The following ADGRV1 variants were observed in gnomAD, a reference collection of about 807,000 sequenced individuals.
ADGRV1 encodes the protein G-protein coupled receptor 98.
A neutral mutation model predicts 596.2 loss-of-function variants in ADGRV1; 359 were observed. That is an observed-to-expected ratio of 0.60 (90% CI 0.55 to 0.66). ADGRV1 has a LOEUF of 0.66. Ranked by LOEUF, ADGRV1 falls within the 30% of genes least tolerant of loss-of-function variation. The probability of loss-of-function intolerance (pLI) is 0.00; values close to 1 mark genes in which losing one functional copy is unlikely to be tolerated. For missense variants in ADGRV1, 7,274 were observed against 7,575.6 expected (o/e 0.96, Z 1.48); for synonymous variants, 2,681 against 2,679.2 (o/e 1.00, Z -0.02).
At chr5:91,080,147 G>A (rs1005666817) in intron 86 of ADGRV1, among the ~76,000 whole-genome samples, 10 of 152,008 alleles carry the variant, frequency 6.6e-5, no homozygotes, top group Non-Finnish European at 1.5e-4. Flanking sequence ...AGGGTATTTG[G>A]GATGTCCATC....
At chr5:90,931,725 T>A (rs1581557462) in intron 83 of ADGRV1, among the ~76,000 whole-genome samples, 2 of 152,334 alleles carry the variant, frequency 1.3e-5, no homozygotes, top group East Asian at 3.9e-4. Flanking sequence ...TAATGGTTAA[T>A]TCCTACTTGT....
chr5:90,699,974 T>G (rs771388631), intron 34 of ADGRV1, among the ~76,000 whole-genome samples: 2 of 152,214 alleles, frequency 1.3e-5, no homozygotes, highest in African/African-American at 4.8e-5. Context: ...CTAGATTTTT[T>G]ATGTTTTCTA....
At chr5:90,927,744 T>C (rs940117869) in intron 83 of ADGRV1, among the ~76,000 whole-genome samples, 4 of 152,224 alleles carry the variant, frequency 2.6e-5, no homozygotes, top group African/African-American at 9.6e-5. Context: ...CTTTACATTT[T>C]GGCTTGATTT....
intron 86 of ADGRV1, among the ~76,000 whole-genome samples, chr5:91,079,272 C>G (rs764241837): frequency 3.9e-5 from 6 of 152,194 alleles, no homozygotes; most frequent in South Asian, 2.1e-4. Context: ...AACAGACACT[C>G]CCACTCAAGC....
At chr5:90,776,336 T>G (rs1466806121) in intron 60 of ADGRV1, 117 bp from the exon 61 acceptor site, 6 of 930,410 alleles carry the variant, frequency 6.4e-6, no homozygotes, top group Non-Finnish European at 8.5e-6. Flanking sequence ...CTTACTGATA[T>G]GAGAGTCATG....
At chr5:91,055,825 G>T (rs989787992) in intron 85 of ADGRV1, among the ~76,000 whole-genome samples, 3 of 152,188 alleles carry the variant, frequency 2.0e-5, no homozygotes, top group Admixed American at 2.0e-4. Context: ...AGAGGTTGGT[G>T]CAAAAGTATG....
intron 83 of ADGRV1, among the ~76,000 whole-genome samples, chr5:90,948,648 A>G (rs933546097): frequency 1.3e-5 from 2 of 152,136 alleles, no homozygotes; most frequent in Non-Finnish European, 2.9e-5. Flanking sequence ...AATGCATTAA[A>G]TATACCTTAC....
chr5:90,746,094 T>G (rs1754596909), intron 52 of ADGRV1, among the ~76,000 whole-genome samples: 1 of 152,208 alleles, frequency 6.6e-6, no homozygotes. Flanking sequence ...AGTTTGGCTC[T>G]GCTGTTAGCT....
At chr5:90,607,192 G>A (rs956866089) in intron 1 of ADGRV1, among the ~76,000 whole-genome samples, 2 of 152,166 alleles carry the variant, frequency 1.3e-5, no homozygotes, top group African/African-American at 4.8e-5. Context: ...TCTCTTAGCA[G>A]ATCCAAGAAA....
At chr5:90,949,888 A>G (rs1208145003) in intron 83 of ADGRV1, among the ~76,000 whole-genome samples, 1 of 152,218 alleles carries the variant, frequency 6.6e-6, no homozygotes, top group East Asian at 1.9e-4. Context: ...AGTACAGTAC[A>G]GAGTGCTCTG....
intron 20 of ADGRV1, chr5:90,654,270 A>G: frequency 5.8e-6 from 2 of 344,724 alleles, no homozygotes; most frequent in South Asian, 5.7e-5. Flanking sequence ...TTCTGTGGGT[A>G]GTAGGAGAGA....
chr5:90,944,133 T>C (rs1776384085), intron 83 of ADGRV1, among the ~76,000 whole-genome samples: 1 of 152,226 alleles, frequency 6.6e-6, no homozygotes. Context: ...TGGATAATTT[T>C]TGATACCTAA....
intron 69 of ADGRV1, among the ~76,000 whole-genome samples, chr5:90,790,176 T>C (rs1048978187): frequency 6.6e-6 from 1 of 152,214 alleles, no homozygotes; most frequent in African/African-American, 2.4e-5. Context: ...ATGATTTGTG[T>C]AAATTCTCCA....
rs189317342 is a variant in ADGRV1, at chr5:91,151,599, G to T, written c.18624+1378G>T. Among the ~76,000 whole-genome samples the T allele has an allele frequency of 1.1e-3, 173 of 152,256 alleles. 1 individual carries two copies. Among genetic ancestry groups the T allele is most frequent in the Non-Finnish European group, 5.9e-4 (40 of 68,020 alleles). Reference sequence around the variant, plus strand: ...TTTTTAGGATCAAGAATTCAGAAATGAATCTTAAAATTTTTTTTGAATGGT... The same window carrying T: ...TTTTTAGGATCAAGAATTCAGAAATTAATCTTAAAATTTTTTTTGAATGGT... On this transcript the variant is annotated intron_variant, in intron 88 of 89. Coordinates refer to ENST00000405460, the MANE Select transcript of ADGRV1 (RefSeq NM_032119.4).
At position 90,692,853 on chromosome 5, in the gene ADGRV1, T is replaced by C. The variant is rs1205796359; in HGVS notation, c.7133+67T>C. On this transcript the variant is annotated intron_variant, in intron 32 of 89. Transcript: ENST00000405460. Reference sequence around the variant, plus strand: ...TTGTGGGGTGGTGGGGAAGGATCCCTTGCACAGTTAAATCATTTAGGTTTT... The same window carrying C: ...TTGTGGGGTGGTGGGGAAGGATCCCCTGCACAGTTAAATCATTTAGGTTTT... 2.5e-6 allele frequency: 3 copies of C among 1,209,882 alleles called. No homozygotes were observed. The African/African-American group carries it at 4.7e-5, about 19-fold the overall frequency. The allele number at this position is 1,209,882 out of a possible 1,614,324, so 74.9% of individuals were successfully genotyped here.
chr5:90,852,148 A>T (rs868463021), intron 79 of ADGRV1, among the ~76,000 whole-genome samples: 4 of 152,310 alleles, frequency 2.6e-5, no homozygotes, highest in Admixed American at 2.6e-4. Flanking sequence ...CCCCAGGTGA[A>T]TAAGTGGATT....
At chr5:90,564,972 C>G (rs1250471953) in intron 1 of ADGRV1, among the ~76,000 whole-genome samples, 2 of 152,054 alleles carry the variant, frequency 1.3e-5, no homozygotes, top group Non-Finnish European at 2.9e-5. Context: ...TGGTGGCTCA[C>G]TCCCGTAATC....
intron 83 of ADGRV1, among the ~76,000 whole-genome samples, chr5:90,900,634 A>G (rs904978572): frequency 6.6e-6 from 1 of 152,160 alleles, no homozygotes; most frequent in Non-Finnish European, 1.5e-5. Context: ...CTTTGCCGCA[A>G]CTATATGCTT....
At position 90,636,052 on chromosome 5, in the gene ADGRV1, G is replaced by A. The variant is rs76858200; in HGVS notation, c.2016+762G>A. On this transcript the variant is annotated intron_variant, in intron 10 of 89. Coordinates refer to ENST00000405460, the MANE Select transcript of ADGRV1 (RefSeq NM_032119.4). ...ATGGAGATGATAGTGGTAAAGTTGT[G>A]GAATGCTAAATCTTAAGAATTTTTT... Among the ~76,000 whole-genome samples, 16 of 151,926 alleles carry A rather than the reference G, an allele frequency of 1.1e-4. No individual in the cohort carries two copies. The East Asian group carries it at 2.7e-3, about 26-fold the overall frequency.
Sources: gnomAD v4.1 joint callset for allele counts (sites outside exome capture counted in the v4.1 genomes callset) on GRCh38, gnomAD v4.1.1 for gene constraint, MANE v1.5 for transcripts, NCBI Gene and HGNC (gene_info 2026-07-23, HGNC 2026-07-21) for gene names.